The following KLHL7 variants were observed in gnomAD, a reference collection of about 807,000 sequenced individuals.
The protein encoded by KLHL7 is kelch-like protein 7.
A neutral mutation model predicts 67.4 loss-of-function variants in KLHL7; 44 were observed. The observed-to-expected ratio is 0.65, with a 90% confidence interval of 0.51 to 0.84. The LOEUF is 0.84. Among genes scored for constraint, KLHL7 ranks in the 40% least tolerant of loss-of-function variants. The probability of loss-of-function intolerance (pLI) is 0.00; values close to 1 mark genes in which losing one functional copy is unlikely to be tolerated. For synonymous variants in KLHL7, 252 were observed against 243.3 expected, an observed-to-expected ratio of 1.04 and a Z score of -0.33; for missense variants, 362 against 718.1, an observed-to-expected ratio of 0.50 and a Z score of 5.67.
intron 9 of KLHL7, 94 bp from the exon 10 acceptor site, chr7:23,172,854 A>C (rs1785205025): frequency 1.1e-6 from 1 of 927,246 alleles, no homozygotes; most frequent in Non-Finnish European, 1.8e-6. Context: ...GTGAGTAGTA[A>C]ATGAGCACTT....
chr7:23,128,506 A>G (rs1783671584), intron 4 of KLHL7, among the ~76,000 whole-genome samples: 1 of 151,852 alleles, frequency 6.6e-6, no homozygotes, highest in African/African-American at 2.4e-5. Flanking sequence ...TCAATGAACT[A>G]AGATATTCCT....
rs1785207749 is a variant in KLHL7 at position 23,172,959 on chromosome 7, T to C, written c.1391T>C (p.Leu464Pro). ...YDPATETWTE[L>P]CPMIEARKNH... ...TTTAATTTTTTCAGATGGACTGAGC[T>C]GTGTCCAATGATTGAAGCCAGGAAG... Residue 464 changes from leucine (L) to proline (P), a missense_variant, in exon 10 of 11, where the codon CTG (leucine) becomes CCG (proline). Leu to Pro is a moderately conservative substitution (Grantham distance 98). Coordinates refer to ENST00000339077, the MANE Select transcript of KLHL7 (RefSeq NM_001031710.3). 9.3e-6 allele frequency: 15 copies of C among 1,613,340 alleles called. No homozygotes were observed. The highest frequency in any genetic ancestry group is 1.3e-5 in the Non-Finnish European group (15 of 1,179,374).
At chr7:23,116,388 G>T (rs886249445) in intron 1 of KLHL7, among the ~76,000 whole-genome samples, 1 of 152,218 alleles carries the variant, frequency 6.6e-6, no homozygotes, top group African/African-American at 2.4e-5. Flanking sequence ...CTCAGCAGCA[G>T]CGCAGACATG....
At chr7:23,161,188 G>A (rs557410114) in intron 7 of KLHL7, among the ~76,000 whole-genome samples, 6 of 152,192 alleles carry the variant, frequency 3.9e-5, no homozygotes, top group East Asian at 3.9e-4. Flanking sequence ...TGCCCACAAC[G>A]TCCAAAGACA....
chr7:23,146,926 C>T (rs1188574567), intron 6 of KLHL7, among the ~76,000 whole-genome samples: 1 of 151,960 alleles, frequency 6.6e-6, no homozygotes, highest in African/African-American at 2.4e-5. Context: ...ATTCTAATAC[C>T]TTTTAATTAT....
intron 9 of KLHL7, among the ~76,000 whole-genome samples, chr7:23,170,508 C>T (rs1785125802): frequency 6.6e-6 from 1 of 152,146 alleles, no homozygotes; most frequent in Non-Finnish European, 1.5e-5. Flanking sequence ...TTCAGTAGTA[C>T]AGTAGGGAGA....
rs114997841 is a variant in KLHL7, at chr7:23,143,134, G to A, written c.619-717G>A. On this transcript the variant is annotated intron_variant, in intron 5 of 10. Coordinates refer to ENST00000339077, the MANE Select transcript of KLHL7 (RefSeq NM_001031710.3). ...AAGTTAGGCCTTATTAATATCACTC[G>A]AAAATTAATTACAAATATCACCCCA... 5.8e-3 allele frequency among the ~76,000 whole-genome samples: 889 copies of A among 152,148 alleles called. 10 individuals carry two copies. Among genetic ancestry groups the A allele is most frequent in the African/African-American group, 0.02 (828 of 41,536 alleles).
intron 4 of KLHL7, among the ~76,000 whole-genome samples, chr7:23,126,565 A>G (rs1437604470): frequency 2.0e-5 from 3 of 152,146 alleles, no homozygotes; most frequent in African/African-American, 7.2e-5. Flanking sequence ...AATGACAAGA[A>G]CGCAAAGACT....
At chr7:23,131,307 A>G (rs755012200) in intron 4 of KLHL7, among the ~76,000 whole-genome samples, 27 of 152,194 alleles carry the variant, frequency 1.8e-4, no homozygotes, top group Non-Finnish European at 1.9e-4. Flanking sequence ...CTTTTTTCCC[A>G]GGAACTTGAA....
At chr7:23,161,557 T>C (rs1784854612) in intron 7 of KLHL7, among the ~76,000 whole-genome samples, 1 of 152,170 alleles carries the variant, frequency 6.6e-6, no homozygotes, top group Non-Finnish European at 1.5e-5. Flanking sequence ...TGGAAACTAT[T>C]TGGATTTACA....
rs1295894136 is a variant in KLHL7 at position 23,124,814 on chromosome 7, T to C, written c.317+33T>C. On this transcript the variant is annotated intron_variant, in intron 3 of 10. Transcript: ENST00000339077. ...AAGTATTATTTTTATTTTAGAGAAGTAATGTTGGTATCTACCATGGCAAAG... is the reference window on the plus strand; with the variant it reads ...AAGTATTATTTTTATTTTAGAGAAGCAATGTTGGTATCTACCATGGCAAAG... 8 of 1,370,406 alleles carry C rather than the reference T, an allele frequency of 5.8e-6. 1 individual carries two copies. The Admixed American group carries it at 8.4e-5, about 14-fold the overall frequency. The allele number at this position is 1,370,406 out of a possible 1,614,324, so 84.9% of individuals were successfully genotyped here.
chr7:23,124,053 A>G (rs1156925577), intron 2 of KLHL7, among the ~76,000 whole-genome samples, 174 bp downstream of exon 2: 1 of 152,062 alleles, frequency 6.6e-6, no homozygotes, highest in Admixed American at 6.5e-5. Context: ...ATGTCCTTTC[A>G]TTAGACCTAA....
chr7:23,161,685 G>A (rs971302174), intron 7 of KLHL7, among the ~76,000 whole-genome samples: 2 of 152,176 alleles, frequency 1.3e-5, no homozygotes, highest in African/African-American at 4.8e-5. Context: ...ATGATAAGAT[G>A]CCAGCTGGAG....
At position 23,105,982 on chromosome 7, in the gene KLHL7, TC is replaced by T; in HGVS notation, c.-44del. The stretch of plus-strand genomic sequence containing the variant: ...CAGTGTGCCCAGAGAGTGCGACCCC[TC>T]GCCCGGCCCGGCGAGCCCCGGGCGT... On this transcript the variant is annotated 5_prime_UTR_variant, in exon 1 of 11. Transcript: ENST00000339077. 1 of 1,594,760 alleles carries T rather than the reference TC, an allele frequency of 6.3e-7. No homozygotes were observed. Among genetic ancestry groups the T allele is most frequent in the South Asian group, 1.1e-5 (1 of 88,022 alleles).
chr7:23,106,363 C>T (rs1014521487), intron 1 of KLHL7: 28 of 1,395,096 alleles, frequency 2.0e-5, no homozygotes, highest in Non-Finnish European at 4.7e-6. Context: ...GAGGATGTAG[C>T]TCCCAAGTCA....
chr7:23,113,216 G>A (rs946122375), intron 1 of KLHL7, among the ~76,000 whole-genome samples: 3 of 152,208 alleles, frequency 2.0e-5, no homozygotes, highest in African/African-American at 7.2e-5. Flanking sequence ...TAGTCTTTGC[G>A]AAGAATAGAA....
At chr7:23,156,878 CAGTT>C (rs1343310735) in intron 7 of KLHL7, among the ~76,000 whole-genome samples, 1 of 151,806 alleles carries the variant, frequency 6.6e-6, no homozygotes, top group Non-Finnish European at 1.5e-5. Flanking sequence ...ATAATTTTCT[CAGTT>C]GGTTTTATAA....
intron 7 of KLHL7, chr7:23,155,978 T>C (rs1376468110): frequency 4.3e-6 from 2 of 461,916 alleles, no homozygotes; most frequent in Non-Finnish European, 8.9e-6. Context: ...CTTGATTTTT[T>C]TTTATTGGAC....
intron 6 of KLHL7, among the ~76,000 whole-genome samples, chr7:23,144,435 G>T (rs1029574836): frequency 7.2e-5 from 11 of 152,066 alleles, no homozygotes; most frequent in African/African-American, 2.7e-4. Flanking sequence ...CTTGCTTGCT[G>T]GCTAAGTCCC....
Sources: gnomAD v4.1 joint callset for allele counts (sites outside exome capture counted in the v4.1 genomes callset) on GRCh38, gnomAD v4.1.1 for gene constraint, MANE v1.5 for transcripts, NCBI Gene and HGNC (gene_info 2026-07-23, HGNC 2026-07-21) for gene names.